The following LUZP2 variants were observed in gnomAD, a reference collection of about 807,000 sequenced individuals.
LUZP2 encodes the protein leucine zipper protein 2.
A neutral mutation model predicts 51.6 loss-of-function variants in LUZP2; 52 were observed. The observed-to-expected ratio is 1.01, with a 90% CI of 0.81 to 1.27. The LOEUF is 1.27. Among genes scored for constraint, LUZP2 ranks in the 50% most tolerant of loss-of-function variants. The probability of loss-of-function intolerance (pLI) is 0.00; values close to 1 mark genes in which losing one functional copy is unlikely to be tolerated. For synonymous variants in LUZP2, 154 were observed against 137.3 expected (o/e 1.12, Z -0.85); for missense variants, 436 against 395.4 (o/e 1.10, Z -0.87).
chr11:25,030,929 TAA>T (rs1565254536), intron 9 of LUZP2, among the ~76,000 whole-genome samples: 1,378 of 11,520 alleles, frequency 0.12, 236 homozygotes, highest in African/African-American at 0.37. Flanking sequence ...TATATATATA[TAA>T]TATATATTAT....
At chr11:24,684,351 T>C (rs1463964695) in intron 1 of LUZP2, among the ~76,000 whole-genome samples, 1 of 152,222 alleles carries the variant, frequency 6.6e-6, no homozygotes, top group Non-Finnish European at 1.5e-5. Flanking sequence ...TTCCCTTTAC[T>C]TCCTTTAGCC....
chr11:24,796,838 A>G (rs1849562127), intron 5 of LUZP2, among the ~76,000 whole-genome samples: 2 of 152,164 alleles, frequency 1.3e-5, no homozygotes, highest in East Asian at 3.8e-4. Flanking sequence ...TTATACAGAC[A>G]CACAGATAAA....
chr11:24,787,764 C>T (rs115865223), intron 5 of LUZP2, among the ~76,000 whole-genome samples: 1 of 152,080 alleles, frequency 6.6e-6, no homozygotes, highest in African/African-American at 2.4e-5. Context: ...TCTTGTAATT[C>T]ACAAAGCTAG....
intron 9 of LUZP2, among the ~76,000 whole-genome samples, chr11:25,039,927 A>T (rs576280858): frequency 6.6e-6 from 1 of 152,198 alleles, no homozygotes; most frequent in African/African-American, 2.4e-5. Context: ...ATCACTACAG[A>T]CACTTTCTCT....
chr11:24,622,117 T>G (rs1590254697), intron 1 of LUZP2, among the ~76,000 whole-genome samples: 2 of 152,038 alleles, frequency 1.3e-5, no homozygotes, highest in South Asian at 2.1e-4. Flanking sequence ...ATTTTTGTAT[T>G]TCTTTTTTTT....
intron 1 of LUZP2, among the ~76,000 whole-genome samples, chr11:24,579,916 A>G (rs1180986675): frequency 6.6e-6 from 1 of 152,116 alleles, no homozygotes; most frequent in Admixed American, 6.5e-5. Context: ...AAATACATCT[A>G]AGCAAGAACT....
chr11:24,912,299 G>T (rs1374975761), intron 6 of LUZP2, among the ~76,000 whole-genome samples: 1 of 149,432 alleles, frequency 6.7e-6, no homozygotes, highest in East Asian at 2.0e-4. Context: ...TTAACTTCCT[G>T]ATTCAATGGA....
At chr11:24,836,348 G>A (rs1424144237) in intron 5 of LUZP2, among the ~76,000 whole-genome samples, 1 of 151,794 alleles carries the variant, frequency 6.6e-6, no homozygotes, top group East Asian at 1.9e-4. Flanking sequence ...TCCCAAATGG[G>A]ATTTAAAGGA....
Position 24,895,322 on chromosome 11 carries a change from A to T in LUZP2, c.397-10669A>T, listed in dbSNP as rs140607022. Among the ~76,000 whole-genome samples the T allele has an allele frequency of 3.8e-3, 576 of 152,292 alleles. 6 individuals carry two copies. The highest frequency in any genetic ancestry group is 0.013 in the African/African-American group (530 of 41,550). On this transcript the variant is annotated intron_variant, in intron 5 of 11. Coordinates refer to ENST00000336930, the MANE Select transcript of LUZP2 (RefSeq NM_001009909.4). ...ACTTAAGGAATGAGTATATATATATAAAAAAACTGCAAGAAAAACAAACAG... is the reference window on the plus strand; with the variant it reads ...ACTTAAGGAATGAGTATATATATATTAAAAAACTGCAAGAAAAACAAACAG...
At chr11:24,584,173 A>G (rs1219582763) in intron 1 of LUZP2, among the ~76,000 whole-genome samples, 1 of 152,168 alleles carries the variant, frequency 6.6e-6, no homozygotes, top group East Asian at 1.9e-4. Context: ...AGCCTTATTG[A>G]GATACCAACC....
At chr11:24,695,916 G>T (rs1462135079) in intron 1 of LUZP2, among the ~76,000 whole-genome samples, 2 of 151,872 alleles carry the variant, frequency 1.3e-5, no homozygotes, top group African/African-American at 4.8e-5. Flanking sequence ...GGTGGGGAAA[G>T]AATGGGAAAA....
intron 5 of LUZP2, among the ~76,000 whole-genome samples, chr11:24,883,467 T>C (rs1852556770): frequency 6.6e-6 from 1 of 152,056 alleles, no homozygotes; most frequent in Non-Finnish European, 1.5e-5. Context: ...CTAATGATGC[T>C]GGGATAAAAA....
intron 5 of LUZP2, among the ~76,000 whole-genome samples, chr11:24,809,396 CTCTT>C: frequency 6.6e-6 from 1 of 152,134 alleles, no homozygotes; most frequent in East Asian, 1.9e-4. Context: ...TTACTGCACA[CTCTT>C]TCAGCATGCC....
At chr11:24,847,574 C>T (rs1851240296) in intron 5 of LUZP2, among the ~76,000 whole-genome samples, 1 of 152,110 alleles carries the variant, frequency 6.6e-6, no homozygotes, top group Admixed American at 6.6e-5. Context: ...ACCATTGTTG[C>T]CTGTTCATAT....
At chr11:24,743,400 T>C (rs1859257319) in intron 4 of LUZP2, among the ~76,000 whole-genome samples, 1 of 152,136 alleles carries the variant, frequency 6.6e-6, no homozygotes, top group Admixed American at 6.6e-5. Flanking sequence ...GTAGAAGCCT[T>C]TTGCCTCCTT....
Position 25,079,627 on chromosome 11 carries a change from T to G in LUZP2, c.*969T>G, listed in dbSNP as rs1222269765. 3 of 152,108 alleles carry G rather than the reference T, an allele frequency of 2.0e-5. No homozygotes were observed. The highest frequency in any genetic ancestry group is 4.4e-5 in the Non-Finnish European group (3 of 67,978). 9.4% of individuals were successfully genotyped at this position (152,108 alleles called of 1,614,324 possible). A position where few individuals can be genotyped will look rare whatever the true frequency, so the allele number is the denominator to read the frequency against. ...AGAGTTCTGATTTTCTATAGGAATATCACTAATCAAAAAAATGCACTCATG... is the reference window on the plus strand; with the variant it reads ...AGAGTTCTGATTTTCTATAGGAATAGCACTAATCAAAAAAATGCACTCATG... On this transcript the variant is annotated 3_prime_UTR_variant, in exon 12 of 12. Coordinates refer to ENST00000336930, the MANE Select transcript of LUZP2 (RefSeq NM_001009909.4).
intron 5 of LUZP2, among the ~76,000 whole-genome samples, chr11:24,803,627 C>A (rs1849761340): frequency 6.6e-6 from 1 of 152,026 alleles, no homozygotes; most frequent in South Asian, 2.1e-4. Context: ...GTGTATCATA[C>A]AATGGAATAT....
intron 5 of LUZP2, among the ~76,000 whole-genome samples, chr11:24,817,795 G>T (rs1850229508): frequency 6.6e-6 from 1 of 151,852 alleles, no homozygotes; most frequent in Non-Finnish European, 1.5e-5. Context: ...TTCAGGAAAT[G>T]GTATTACTAA....
At chr11:24,637,473 T>C (rs1855144022) in intron 1 of LUZP2, among the ~76,000 whole-genome samples, 1 of 151,758 alleles carries the variant, frequency 6.6e-6, no homozygotes, top group Non-Finnish European at 1.5e-5. Context: ...AAGATAACCA[T>C]AAGATCTGAC....
Sources: allele counts gnomAD v4.1 joint callset (sites outside exome capture counted in the v4.1 genomes callset), GRCh38; gene constraint gnomAD v4.1.1; transcripts MANE v1.5; gene names NCBI Gene and HGNC (gene_info 2026-07-23, HGNC 2026-07-21).